The following CHD4 variants were observed in gnomAD, a reference collection of about 807,000 sequenced individuals.
The protein encoded by CHD4 is chromodomain helicase DNA binding protein 4.
CHD4 carries 35 observed loss-of-function variants against 235.5 expected under a neutral mutation model. That is an observed-to-expected ratio of 0.15 (90% confidence interval 0.11 to 0.20). The LOEUF is 0.20. CHD4 is among the 10% of genes least tolerant of loss of function. The pLI, the probability that CHD4 is intolerant of heterozygous loss-of-function variation, is 1.00. For synonymous variants in CHD4, 900 were observed against 850.2 expected, an observed-to-expected ratio of 1.06 and a Z score of -1.02; for missense variants, 1,329 against 2,432.3, an observed-to-expected ratio of 0.55 and a Z score of 9.54.
chr12:6,600,401 C>A lies in CHD4; in HGVS notation c.1064-6G>T, dbSNP rs1344887097. 5 of 1,613,630 alleles carry A rather than the reference C, an allele frequency of 3.1e-6. No homozygotes were observed. On this transcript the variant is annotated splice_region_variant and splice_polypyrimidine_tract_variant and intron_variant, in intron 8 of 39. Transcript: ENST00000544040. ...AGCAGTCACCTCCTCCTCGCCTGGG[C>A]AAGGAAGAGGGAAAGCCCAGTTATT...
intron 25 of CHD4, 46 bp from the exon 26 acceptor site, chr12:6,583,424 C>G: frequency 6.6e-7 from 1 of 1,519,394 alleles, no homozygotes; most frequent in South Asian, 1.2e-5. Context: ...GAAGTCAGCA[C>G]CACCAGCTAC....
At chr12:6,600,798 C>G in intron 7 of CHD4, 128 bp downstream of exon 7, 1 of 1,509,768 alleles carries the variant, frequency 6.6e-7, no homozygotes, top group Non-Finnish European at 8.9e-7. Flanking sequence ...GGAGCCTAGT[C>G]TCATCTTGTT....
At chr12:6,602,748 CCT>C (rs780974871) in intron 2 of CHD4, among the ~76,000 whole-genome samples, 12 of 152,220 alleles carry the variant, frequency 7.9e-5, no homozygotes, top group Non-Finnish European at 1.6e-4. Context: ...ACCCCTGCCT[CCT>C]CTCTCCCGTT....
At chr12:6,596,235 C>G (rs1948492578) in intron 12 of CHD4, 98 bp from the exon 13 acceptor site, 5 of 1,458,530 alleles carry the variant, frequency 3.4e-6, no homozygotes, top group South Asian at 2.5e-5. Context: ...CACCAGACCT[C>G]TAGGTATGCC....
chr12:6,588,494 T>G, intron 22 of CHD4, 72 bp from the exon 23 acceptor site: 4 of 1,556,410 alleles, frequency 2.6e-6, no homozygotes, highest in South Asian at 1.2e-5. Flanking sequence ...TTTAAAAAAT[T>G]AAGCCGGGGG....
chr12:6,578,791 T>C (rs1948117976), intron 34 of CHD4, 55 bp downstream of exon 34: 4 of 1,555,374 alleles, frequency 2.6e-6, no homozygotes, highest in Admixed American at 1.7e-5. Context: ...GATACAGTCC[T>C]TGCTTCTGGT....
chr12:6,589,823 GTCTAA>G (rs1948360274), intron 22 of CHD4, among the ~76,000 whole-genome samples: 1 of 151,202 alleles, frequency 6.6e-6, no homozygotes, highest in Admixed American at 6.6e-5. Flanking sequence ...TGCCCAGAAT[GTCTAA>G]TCTAATCAAG....
At chr12:6,573,699 T>C (rs1236327548) in intron 37 of CHD4, among the ~76,000 whole-genome samples, 2 of 152,156 alleles carry the variant, frequency 1.3e-5, no homozygotes, top group East Asian at 3.8e-4. Context: ...ATCTTCCTTT[T>C]TATCATCTAC....
intron 22 of CHD4, 43 bp downstream of exon 22, chr12:6,591,423 G>A (rs1948398230): frequency 6.8e-7 from 1 of 1,477,276 alleles, no homozygotes; most frequent in South Asian, 1.2e-5. Context: ...AAAGATATAA[G>A]CAAATGAGGA....
intron 38 of CHD4, chr12:6,571,475 A>G (rs1040824704): frequency 2.9e-4 from 48 of 164,018 alleles, no homozygotes; most frequent in Non-Finnish European, 1.9e-4. Context: ...AAGTATCGCA[A>G]ATGACACTGT....
chr12:6,578,175 A>T, intron 35 of CHD4, 38 bp from the exon 36 acceptor site: 1 of 1,542,710 alleles, frequency 6.5e-7, no homozygotes, highest in Non-Finnish European at 8.9e-7. Flanking sequence ...GGTGGGGGGA[A>T]GCAAACATCT....
intron 2 of CHD4, among the ~76,000 whole-genome samples, chr12:6,605,189 G>T (rs982177283): frequency 6.6e-6 from 1 of 152,146 alleles, no homozygotes; most frequent in East Asian, 1.9e-4. Flanking sequence ...AGAGAAGGCA[G>T]AAGTGAATGA....
rs1316909039 is a variant in CHD4 at position 6,593,661 on chromosome 12, C to A, written c.2314-45G>T. The A allele has an allele frequency of 4.4e-6, 7 of 1,579,982 alleles. No individual in the cohort carries two copies. Among genetic ancestry groups the A allele is most frequent in the Non-Finnish European group, 6.1e-6 (7 of 1,152,942 alleles). ...AGTCAGGACTGAGGGCCCCAGCACA[C>A]TGCAACCCCAGCGAACACCCACCAC... On this transcript the variant is annotated intron_variant, in intron 15 of 39. Transcript: ENST00000544040. This position sits in a 1 kb window ranked among gnomAD's most constrained non-coding sequence, Gnocchi z 4.9.
chr12:6,592,255 C>T (rs890876606), intron 19 of CHD4, 138 bp downstream of exon 19: 11 of 1,282,920 alleles, frequency 8.6e-6, no homozygotes, highest in African/African-American at 1.5e-5. Flanking sequence ...TGCGCTCCAG[C>T]GCCCTAGCAT....
At position 6,593,637 on chromosome 12, in the gene CHD4, G is replaced by C. The variant is rs776328444; in HGVS notation, c.2314-21C>G. 4 of 1,611,680 alleles carry C rather than the reference G, an allele frequency of 2.5e-6. No homozygotes were observed. The highest frequency in any genetic ancestry group is 2.7e-5 in the African/African-American group (2 of 74,644). On this transcript the variant is annotated intron_variant, in intron 15 of 39. Coordinates refer to ENST00000544040, the MANE Select transcript of CHD4 (RefSeq NM_001273.5). This position sits in a 1 kb window ranked among gnomAD's most constrained non-coding sequence, Gnocchi z 4.9. ...TGACCCTTTGAGAAAAAAGAGGAGA[G>C]TCAGGACTGAGGGCCCCAGCACACT...
intron 38 of CHD4, among the ~76,000 whole-genome samples, chr12:6,572,257 C>G (rs527412973): frequency 6.6e-6 from 1 of 150,604 alleles, no homozygotes; most frequent in South Asian, 2.1e-4. Context: ...GAAACTCCAT[C>G]TCTACTAAAA....
At chr12:6,579,980 C>T (rs1445214862) in intron 33 of CHD4, among the ~76,000 whole-genome samples, 16 of 149,276 alleles carry the variant, frequency 1.1e-4, no homozygotes, top group African/African-American at 2.5e-4. Flanking sequence ...GGTGTGAACC[C>T]GGGAGGCGGA....
Position 6,588,432 on chromosome 12 carries a change from G to A in CHD4, c.3341-10C>T. 6.2e-7 allele frequency: 1 copy of A among 1,611,208 alleles called. No homozygotes were observed. On this transcript the variant is annotated splice_polypyrimidine_tract_variant and intron_variant, in intron 22 of 39. Transcript: ENST00000544040. ...TGCTGAGCACCCGGTGCTAATAAAA[G>A]AACCAAAAACACCATTAGAAGTGTC...
intron 38 of CHD4, 86 bp from the exon 39 acceptor site, chr12:6,571,118 T>A: frequency 6.8e-7 from 1 of 1,469,694 alleles, no homozygotes; most frequent in Non-Finnish European, 9.3e-7. Flanking sequence ...CCATCACTTC[T>A]CAGTGACCAA....
Sources: gnomAD v4.1 joint callset for allele counts (sites outside exome capture counted in the v4.1 genomes callset) on GRCh38, gnomAD v4.1.1 for gene constraint, Gnocchi (gnomAD v3.1) non-coding constraint, MANE v1.5 for transcripts, NCBI Gene and HGNC (gene_info 2026-07-23, HGNC 2026-07-21) for gene names.